The following IGSF5 variants were observed in gnomAD, a reference collection of about 807,000 sequenced individuals.
IGSF5 encodes the protein immunoglobulin superfamily 5 like.
Under a neutral mutation model 39.4 loss-of-function variants are expected in IGSF5, and 41 were observed. That is an observed-to-expected ratio of 1.04 (90% CI 0.81 to 1.35). The LOEUF (loss-of-function observed/expected upper bound fraction) is 1.35. IGSF5 is among the 40% of genes most tolerant of loss of function. IGSF5 has a pLI of 0.00. For missense variants in IGSF5, 487 were observed against 494.6 expected (o/e 0.98, Z 0.15); for synonymous variants, 183 against 175.3 (o/e 1.04, Z -0.34).
At chr21:39,770,807 A>G in intron 3 of IGSF5, 109 bp from the exon 4 acceptor site, 1 of 834,076 alleles carries the variant, frequency 1.2e-6, no homozygotes, top group South Asian at 3.6e-5. Context: ...TAGGTCTCAC[A>G]AAATGTAATT....
chr21:39,736,029 C>T, the IGSF5 span, among the ~76,000 whole-genome samples: 2 of 146,222 alleles, frequency 1.4e-5, no homozygotes, highest in Non-Finnish European at 1.5e-5. Flanking sequence ...TCTGTGGGCT[C>T]GTCTAAGACC....
At chr21:39,788,953 T>A (rs970572386) in intron 6 of IGSF5, among the ~76,000 whole-genome samples, 1 of 152,150 alleles carries the variant, frequency 6.6e-6, no homozygotes, top group Non-Finnish European at 1.5e-5. Flanking sequence ...TGTGAATGAA[T>A]ATGGACAATC....
At chr21:39,784,358 T>A in intron 5 of IGSF5, among the ~76,000 whole-genome samples, 1 of 152,190 alleles carries the variant, frequency 6.6e-6, no homozygotes, top group East Asian at 1.9e-4. Flanking sequence ...TATTTGTACA[T>A]CCTGGTTCCC....
At chr21:39,760,578 CT>C (rs57744699) in intron 2 of IGSF5, among the ~76,000 whole-genome samples, 63,683 of 146,540 alleles carry the variant, frequency 0.43, 13,787 homozygotes, top group Non-Finnish European at 0.49. Context: ...TAAGTCAGGT[CT>C]TTTTTTTTTT....
At chr21:39,742,232 C>T (rs1023945819), upstream of IGSF5, among the ~76,000 whole-genome samples, 1 of 152,040 alleles carries the variant, frequency 6.6e-6, no homozygotes, top group South Asian at 2.1e-4. Flanking sequence ...GAATCTCTCT[C>T]TCTAACAAGG....
At position 39,793,520 on chromosome 21, in the gene IGSF5, T is replaced by C; in HGVS notation, c.1049-14T>C. 6.2e-7 allele frequency: 1 copy of C among 1,609,256 alleles called. No individual in the cohort carries two copies. The highest frequency in any genetic ancestry group is 8.5e-7 in the Non-Finnish European group (1 of 1,175,840). ...TTGCCACTTAATGACTCTAAAATTGTTCTTCTGTTGCAGACACCGCTTCTC... is the reference window on the plus strand; with the variant it reads ...TTGCCACTTAATGACTCTAAAATTGCTCTTCTGTTGCAGACACCGCTTCTC... On this transcript the variant is annotated splice_polypyrimidine_tract_variant and intron_variant, in intron 7 of 8. Coordinates refer to ENST00000380588, the MANE Select transcript of IGSF5 (RefSeq NM_001080444.2).
chr21:39,740,818 T>C (rs149598982), upstream of IGSF5, among the ~76,000 whole-genome samples: 328 of 152,316 alleles, frequency 2.2e-3, 5 homozygotes, highest in East Asian at 0.011. Context: ...GCCCTTCAAG[T>C]AATAGAGCCT....
At chr21:39,777,280 G>A (rs537478118) in intron 4 of IGSF5, among the ~76,000 whole-genome samples, 1 of 152,240 alleles carries the variant, frequency 6.6e-6, no homozygotes, top group Admixed American at 6.5e-5. Flanking sequence ...TGGGTAGCTT[G>A]GGCAGTGTTT....
At chr21:39,767,307 G>A (rs988096862) in intron 3 of IGSF5, among the ~76,000 whole-genome samples, 4 of 151,972 alleles carry the variant, frequency 2.6e-5, no homozygotes, top group Admixed American at 2.0e-4. Flanking sequence ...GTGTGGATCA[G>A]GTGAAAAAAT....
chr21:39,776,877 T>A (rs1601134360), intron 4 of IGSF5, among the ~76,000 whole-genome samples: 1 of 152,280 alleles, frequency 6.6e-6, no homozygotes, highest in African/African-American at 2.4e-5. Flanking sequence ...CCCAGCCAGC[T>A]CCCTTATTAA....
chr21:39,717,232 C>CTGGATATTAGACCTT, the IGSF5 span, among the ~76,000 whole-genome samples: 1 of 152,160 alleles, frequency 6.6e-6, no homozygotes, highest in African/African-American at 2.4e-5. Context: ...CTTACAGATG[C>CTGGATATTAGACCTT]TGGATATTAG....
the IGSF5 span, among the ~76,000 whole-genome samples, chr21:39,731,222 CTGT>C: frequency 6.6e-6 from 1 of 152,130 alleles, no homozygotes; most frequent in African/African-American, 2.4e-5. Flanking sequence ...GCACACTTCT[CTGT>C]TGAGAGGTCG....
At chr21:39,768,834 C>A (rs146905673) in intron 3 of IGSF5, among the ~76,000 whole-genome samples, 1 of 152,258 alleles carries the variant, frequency 6.6e-6, no homozygotes, top group African/African-American at 2.4e-5. Flanking sequence ...CATTTCAGAG[C>A]AAAAAGATCT....
Position 39,745,532 on chromosome 21 carries a change from G to A in IGSF5, c.17+6G>A, listed in dbSNP as rs1602360439. 2.8e-6 allele frequency: 2 copies of A among 717,172 alleles called. No homozygotes were observed. The highest frequency in any genetic ancestry group is 1.5e-5 in the South Asian group (1 of 67,598). 44.4% of individuals were successfully genotyped at this position (717,172 alleles called of 1,614,324 possible). ...GGTATGGGTCAGAAGGAAAGGTAAG[G>A]GCGCATGCGTGGGCGACTGTTGAGT... On this transcript the variant is annotated splice_donor_region_variant and intron_variant, in intron 1 of 8. Coordinates refer to ENST00000380588, the MANE Select transcript of IGSF5 (RefSeq NM_001080444.2).
chr21:39,718,033 A>G, the IGSF5 span, among the ~76,000 whole-genome samples: 1,107 of 151,906 alleles, frequency 7.3e-3, 16 homozygotes, highest in African/African-American at 0.026. Flanking sequence ...TAATTCTTTT[A>G]TAATTCTCAT....
intron 2 of IGSF5, among the ~76,000 whole-genome samples, chr21:39,756,593 C>T (rs986812570): frequency 1.3e-5 from 2 of 151,776 alleles, no homozygotes; most frequent in African/African-American, 4.8e-5. Flanking sequence ...GATGCCAAAG[C>T]TGAAATGAGA....
chr21:39,797,169 G>C (rs922193212), intron 8 of IGSF5, among the ~76,000 whole-genome samples: 1 of 150,990 alleles, frequency 6.6e-6, no homozygotes, highest in African/African-American at 2.4e-5. Flanking sequence ...GCTGTCACAA[G>C]CAAGGTACTA....
intron 5 of IGSF5, among the ~76,000 whole-genome samples, chr21:39,782,594 GAA>G (rs1457032743): frequency 2.6e-5 from 4 of 152,136 alleles, no homozygotes; most frequent in African/African-American, 9.7e-5. Flanking sequence ...TATATAAGTG[GAA>G]TCATGCAGTA....
upstream of IGSF5, among the ~76,000 whole-genome samples, chr21:39,742,780 C>CA (rs1293542552): frequency 7.5e-6 from 1 of 132,980 alleles, no homozygotes; most frequent in Non-Finnish European, 1.7e-5. Flanking sequence ...AAAGTGATGG[C>CA]CTTTTTTTTA....
Sources: gnomAD v4.1 joint callset for allele counts (sites outside exome capture counted in the v4.1 genomes callset) on GRCh38, gnomAD v4.1.1 for gene constraint, MANE v1.5 for transcripts, NCBI Gene and HGNC (gene_info 2026-07-23, HGNC 2026-07-21) for gene names.